The following NFIB variants were observed in gnomAD, a reference collection of about 807,000 sequenced individuals.
The protein encoded by NFIB is nuclear factor 1 B-type.
NFIB carries 11 observed loss-of-function variants against 61.5 expected under a neutral mutation model. The ratio of observed to expected loss-of-function variants is 0.18; its 90% CI spans 0.11 to 0.30. The LOEUF is 0.30. NFIB is among the 10% of genes least tolerant of loss of function. The probability of loss-of-function intolerance (pLI) is 1.00; values close to 1 mark genes in which losing one functional copy is unlikely to be tolerated. For synonymous variants in NFIB, 260 were observed against 216.5 expected (o/e 1.20, Z -1.76); for missense variants, 471 against 608.9 (o/e 0.77, Z 2.38).
Position 14,120,080 on chromosome 9 carries a change from C to T in NFIB, c.1245+360G>A, listed in dbSNP as rs1157779900. On this transcript the variant is annotated intron_variant, in intron 8 of 10. Transcript: ENST00000380953. The surrounding 1 kb of genome is among the most constrained non-coding windows in gnomAD (Gnocchi z 4.4). The stretch of plus-strand genomic sequence containing the variant: ...TTGTGTGTGTTTATTTTAGCACATA[C>T]CTTACTCCTGCCTGAAATAAGCACA... 6.6e-6 allele frequency among the ~76,000 whole-genome samples: 1 copy of T among 152,138 alleles called. No individual in the cohort carries two copies. Among genetic ancestry groups the T allele is most frequent in the African/African-American group, 2.4e-5 (1 of 41,428 alleles).
chr9:14,436,263 A>G, the NFIB span, among the ~76,000 whole-genome samples: 1 of 152,210 alleles, frequency 6.6e-6, no homozygotes, highest in Non-Finnish European at 1.5e-5. Flanking sequence ...TCCCTGCCAT[A>G]TGCCTGGAAA....
intron 2 of NFIB, among the ~76,000 whole-genome samples, chr9:14,303,652 C>T (rs1439462580): frequency 6.6e-6 from 1 of 152,180 alleles, no homozygotes; most frequent in Non-Finnish European, 1.5e-5. Context: ...CACTGCAATG[C>T]GGATGCCAAC....
the NFIB span, among the ~76,000 whole-genome samples, chr9:14,465,572 TACACACACACACAC>T: frequency 2.4e-3 from 348 of 146,310 alleles, 1 homozygote; most frequent in African/African-American, 8.2e-3. Flanking sequence ...AATGACTTGT[TACACACACACACAC>T]ACACACACAC....
intron 2 of NFIB, among the ~76,000 whole-genome samples, chr9:14,266,448 A>G (rs1006667581): frequency 1.3e-5 from 2 of 152,044 alleles, no homozygotes; most frequent in Non-Finnish European, 2.9e-5. Flanking sequence ...ATTTTTAAAT[A>G]GCAGGGTATT....
At chr9:14,294,851 T>C (rs1252108864) in intron 2 of NFIB, among the ~76,000 whole-genome samples, 2 of 152,190 alleles carry the variant, frequency 1.3e-5, no homozygotes, top group Admixed American at 1.3e-4. Flanking sequence ...GTAGGGATTG[T>C]GGATATGAGC....
intron 5 of NFIB, among the ~76,000 whole-genome samples, chr9:14,149,404 T>C (rs542614837): frequency 6.6e-6 from 1 of 152,260 alleles, no homozygotes; most frequent in African/African-American, 2.4e-5. Flanking sequence ...TGATTACACA[T>C]ATATTTAATG....
At chr9:14,325,794 T>G (rs1183833897) in intron 1 of NFIB, among the ~76,000 whole-genome samples, 1 of 152,088 alleles carries the variant, frequency 6.6e-6, no homozygotes, top group Non-Finnish European at 1.5e-5. Context: ...ATAAAACATA[T>G]ACCATCTTTT....
chr9:14,464,051 GA>G, the NFIB span, among the ~76,000 whole-genome samples: 1 of 152,114 alleles, frequency 6.6e-6, no homozygotes, highest in Non-Finnish European at 1.5e-5. Context: ...CTGAAATCAA[GA>G]AAAGAAAAAC....
chr9:14,307,607 C>A lies in NFIB; in HGVS notation c.31-87G>T. 7.7e-7 allele frequency: 1 copy of A among 1,291,544 alleles called. No individual in the cohort carries two copies. The highest frequency in any genetic ancestry group is 1.0e-6 in the Non-Finnish European group (1 of 963,864). 80.0% of individuals were successfully genotyped at this position (1,291,544 alleles called of 1,614,324 possible). A position where few individuals can be genotyped will look rare whatever the true frequency, so the allele number is the denominator to read the frequency against. ...AAAATAAGAAAAGAAGACCACAACC[C>A]GTTTCCAATTCAGTACAAAAAGTTA... On this transcript the variant is annotated intron_variant, in intron 1 of 10. Coordinates refer to ENST00000380953, the MANE Select transcript of NFIB (RefSeq NM_001190737.2). This position sits in a 1 kb window ranked among gnomAD's most constrained non-coding sequence, Gnocchi z 5.3.
chr9:14,213,882 T>C (rs2050568994), intron 2 of NFIB, among the ~76,000 whole-genome samples: 1 of 152,154 alleles, frequency 6.6e-6, no homozygotes, highest in Admixed American at 6.5e-5. Context: ...CATGCTTCCT[T>C]GCCTCTGTTC....
At chr9:14,470,219 G>C in the NFIB span, among the ~76,000 whole-genome samples, 1 of 152,160 alleles carries the variant, frequency 6.6e-6, no homozygotes, top group Non-Finnish European at 1.5e-5. Flanking sequence ...AGCTGTTATT[G>C]TCATTGCAGC....
At chr9:14,332,497 C>G (rs1018294292) in intron 1 of NFIB, among the ~76,000 whole-genome samples, 1 of 152,088 alleles carries the variant, frequency 6.6e-6, no homozygotes, top group African/African-American at 2.4e-5. Flanking sequence ...TTAACAGCAT[C>G]TTGAGCAACT....
At chr9:14,492,255 C>T in the NFIB span, among the ~76,000 whole-genome samples, 2 of 151,736 alleles carry the variant, frequency 1.3e-5, no homozygotes, top group African/African-American at 2.4e-5. Flanking sequence ...CCCAGCTACT[C>T]GGGAGGCTGA....
chr9:14,358,518 A>C (rs1252736455), intron 1 of NFIB, among the ~76,000 whole-genome samples: 2 of 152,166 alleles, frequency 1.3e-5, no homozygotes, highest in African/African-American at 4.8e-5. Context: ...CTTTGCTGAA[A>C]GTTTTTTCCT....
At chr9:14,158,286 T>A (rs976045716) in intron 3 of NFIB, among the ~76,000 whole-genome samples, 5 of 152,010 alleles carry the variant, frequency 3.3e-5, no homozygotes, top group Non-Finnish European at 7.4e-5. Context: ...ATGGCCCTCT[T>A]TCTACACACT....
the NFIB span, among the ~76,000 whole-genome samples, chr9:14,422,037 A>G: frequency 0.4 from 60,835 of 152,060 alleles, 13,221 homozygotes; most frequent in Admixed American, 0.55. Flanking sequence ...TGAAGAGTAC[A>G]GAAAAAGTAA....
At chr9:14,486,099 T>C in the NFIB span, among the ~76,000 whole-genome samples, 2 of 152,182 alleles carry the variant, frequency 1.3e-5, no homozygotes. Flanking sequence ...CATGTCTAAA[T>C]TGATATCTTC....
intron 2 of NFIB, among the ~76,000 whole-genome samples, chr9:14,244,048 C>T (rs183260974): frequency 4.8e-4 from 73 of 152,268 alleles, no homozygotes; most frequent in African/African-American, 1.6e-3. Context: ...ATCTATCATA[C>T]GCAATAATTT....
chr9:14,094,390 T>C (rs568340732), intron 10 of NFIB: 1 of 152,132 alleles, frequency 6.6e-6, no homozygotes, highest in Non-Finnish European at 1.5e-5. Context: ...TATTTGCTTT[T>C]GTCTTACATA....
Sources: allele counts gnomAD v4.1 joint callset (sites outside exome capture counted in the v4.1 genomes callset), GRCh38; gene constraint gnomAD v4.1.1; non-coding constraint Gnocchi (gnomAD v3.1); transcripts MANE v1.5; gene names NCBI Gene and HGNC (gene_info 2026-07-23, HGNC 2026-07-21).